Variants in AP3S2 observed in about 807,000 individuals in gnomAD.
AP3S2 encodes AP-3 complex subunit sigma-2.
In AP3S2, 22 loss-of-function variants were observed where a neutral mutation model predicts 23.4. That is an observed-to-expected ratio of 0.94 (90% CI 0.67 to 1.34). The LOEUF is 1.34. AP3S2 is among the 40% of genes most tolerant of loss of function. The pLI is 0.00. For synonymous variants in AP3S2, 86 were observed against 87.1 expected, an observed-to-expected ratio of 0.99 and a Z score of 0.07; for missense variants, 241 against 236.9, an observed-to-expected ratio of 1.02 and a Z score of -0.11.
chr15:89,891,023 CAAAACAT>C (rs1896809073), intron 1 of AP3S2, among the ~76,000 whole-genome samples: 1 of 152,190 alleles, frequency 6.6e-6, no homozygotes, highest in African/African-American at 2.4e-5. Flanking sequence ...ATGCAAAATA[CAAAACAT>C]GCTAAGCATC....
At chr15:89,881,859 C>T (rs1394892587) in intron 3 of AP3S2, among the ~76,000 whole-genome samples, 3 of 149,878 alleles carry the variant, frequency 2.0e-5, no homozygotes, top group Middle Eastern at 3.4e-3. Flanking sequence ...TCACTGTTGT[C>T]GCCCAGGCTG....
At chr15:89,872,747 A>G (rs1184943751) in intron 3 of AP3S2, among the ~76,000 whole-genome samples, 1 of 152,184 alleles carries the variant, frequency 6.6e-6, no homozygotes, top group African/African-American at 2.4e-5. Context: ...GAACCAACGC[A>G]CACTATTGGA....
chr15:89,854,499 C>T (rs1348897369), intron 4 of AP3S2, among the ~76,000 whole-genome samples: 1 of 71,912 alleles, frequency 1.4e-5, no homozygotes, highest in African/African-American at 5.4e-5. Context: ...CCCGGCCAGC[C>T]GCCCCGTCCG....
intron 4 of AP3S2, among the ~76,000 whole-genome samples, chr15:89,867,084 A>T (rs1896147667): frequency 7.2e-6 from 1 of 138,550 alleles, no homozygotes; most frequent in South Asian, 2.6e-4. Flanking sequence ...CCGAAGCTGG[A>T]CTGTACTACT....
intron 3 of AP3S2, among the ~76,000 whole-genome samples, chr15:89,879,516 G>A (rs1420728076): frequency 1.3e-5 from 2 of 152,004 alleles, no homozygotes; most frequent in East Asian, 1.9e-4. Flanking sequence ...ATCACACACC[G>A]TCAAAAAAAA....
chr15:89,865,169 C>T (rs1274124779), intron 4 of AP3S2, among the ~76,000 whole-genome samples: 2 of 152,102 alleles, frequency 1.3e-5, no homozygotes, highest in African/African-American at 4.8e-5. Flanking sequence ...CACTGCTCTA[C>T]CTCATCCTCA....
intron 1 of AP3S2, 53 bp downstream of exon 1, chr15:89,893,828 G>A: frequency 6.5e-7 from 1 of 1,542,662 alleles, no homozygotes; most frequent in Non-Finnish European, 8.8e-7. Context: ...CAAAGAGGAG[G>A]GAAGACATAG....
intron 3 of AP3S2, among the ~76,000 whole-genome samples, chr15:89,880,603 G>A (rs1162684553): frequency 6.6e-6 from 1 of 151,906 alleles, no homozygotes; most frequent in African/African-American, 2.4e-5. Flanking sequence ...GAACCCAGGA[G>A]GCGGAGGTTG....
chr15:89,853,059 C>A (rs1289356843), intron 4 of AP3S2, among the ~76,000 whole-genome samples: 1 of 152,174 alleles, frequency 6.6e-6, no homozygotes, highest in Non-Finnish European at 1.5e-5. Context: ...ACACACTTCC[C>A]TCAATCACTC....
In AP3S2 at chr15:89,871,484, A is replaced by G. The variant is rs1896317633; in HGVS notation, c.336T>C (p.His112=). The G allele has an allele frequency of 6.2e-7, 1 of 1,613,546 alleles. No individual in the cohort carries two copies. The highest frequency in any genetic ancestry group is 1.3e-5 in the African/African-American group (1 of 74,932). Residue 112 remains histidine (H), a synonymous_variant, in exon 4 of 6, where the codon CAT becomes CAC. Transcript: ENST00000336418. ...CTGCAAGAGAATATACCTTATCCAT[A>G]TGGAAGATCAAATCCAATTCACACA... is the stretch of plus-strand genomic sequence containing the variant. ...ENVCELDLIF[H]MDKVHYILQE... is the part of the protein sequence containing the mutation.
chr15:89,836,377 CTT>C (rs1229908083), intron 5 of AP3S2, among the ~76,000 whole-genome samples: 1 of 152,168 alleles, frequency 6.6e-6, no homozygotes, highest in East Asian at 1.9e-4. Context: ...ACCAAAGACT[CTT>C]ATTGAAACGT....
chr15:89,853,847 G>A lies in AP3S2; in HGVS notation c.346-16125C>T, dbSNP rs563292831. Among the ~76,000 whole-genome samples the A allele has an allele frequency of 2.9e-3, 215 of 73,868 alleles. 2 individuals are homozygous for A. Among genetic ancestry groups the A allele is most frequent in the Middle Eastern group, 5.0e-3 (1 of 202 alleles). 48.5% of individuals were successfully genotyped at this position (73,868 alleles called of 152,430 possible). A position where few individuals can be genotyped will look rare whatever the true frequency, so the allele number is the denominator to read the frequency against. On this transcript the variant is annotated intron_variant, in intron 4 of 5. Transcript: ENST00000336418. Reference sequence around the variant, plus strand: ...GCGTCTCTGCCCGGCCGCCCCGTCTGAGAAGTGAGGAGACCCTCTGCCTGG... The same window carrying A: ...GCGTCTCTGCCCGGCCGCCCCGTCTAAGAAGTGAGGAGACCCTCTGCCTGG...
chr15:89,856,808 G>A (rs1333832508), intron 4 of AP3S2, among the ~76,000 whole-genome samples: 1 of 150,414 alleles, frequency 6.6e-6, no homozygotes, highest in Non-Finnish European at 1.5e-5. Context: ...GGGAGGCAGA[G>A]GTTACAGTGA....
chr15:89,864,787 T>A (rs1157005275), intron 4 of AP3S2, among the ~76,000 whole-genome samples: 1 of 152,024 alleles, frequency 6.6e-6, no homozygotes, highest in Non-Finnish European at 1.5e-5. Flanking sequence ...GTTGACCCAC[T>A]CGCCTCAGCC....
intron 4 of AP3S2, among the ~76,000 whole-genome samples, chr15:89,858,498 AG>A (rs1567178711): frequency 2.5e-4 from 14 of 55,998 alleles, no homozygotes; most frequent in Admixed American, 8.1e-4. Flanking sequence ...AAAGAAAGAG[AG>A]AGAGAGAGAG....
intron 3 of AP3S2, 68 bp from the exon 4 acceptor site, chr15:89,871,614 AT>A: frequency 6.6e-7 from 1 of 1,522,136 alleles, no homozygotes; most frequent in East Asian, 2.3e-5. Flanking sequence ...TCAATGTCAC[AT>A]CTGAAAGTAA....
At position 89,881,437 on chromosome 15, in the gene AP3S2, A is replaced by T. The variant is rs563580015; in HGVS notation, c.273+7084T>A. ...AATACGCAGATTTACTTATTTGTTG[A>T]TGATAAGGCAAACCATTATTTTATC... On this transcript the variant is annotated intron_variant, in intron 3 of 5. Transcript: ENST00000336418. Among the ~76,000 whole-genome samples the T allele has an allele frequency of 1.3e-3, 191 of 152,374 alleles. 2 individuals are homozygous for T. Among genetic ancestry groups the T allele is most frequent in the Admixed American group, 0.011 (175 of 15,308 alleles).
intron 4 of AP3S2, among the ~76,000 whole-genome samples, chr15:89,867,998 GC>G (rs1317125835): frequency 4.2e-5 from 6 of 143,582 alleles, no homozygotes; most frequent in Admixed American, 3.4e-4. Flanking sequence ...GGGGGGGTCA[GC>G]CCCCCGCCCG....
chr15:89,846,507 T>C (rs1348210203), intron 4 of AP3S2, among the ~76,000 whole-genome samples: 3 of 151,904 alleles, frequency 2.0e-5, no homozygotes, highest in African/African-American at 4.8e-5. Flanking sequence ...ACAGGCCACA[T>C]GCCACCACAC....
Sources: allele counts gnomAD v4.1 joint callset (sites outside exome capture counted in the v4.1 genomes callset), GRCh38; gene constraint gnomAD v4.1.1; transcripts MANE v1.5; gene names NCBI Gene and HGNC (gene_info 2026-07-23, HGNC 2026-07-21).